The following GOLGA3 variants were observed in gnomAD, a reference collection of about 807,000 sequenced individuals.
GOLGA3 encodes golgin subfamily A member 3.
In GOLGA3, 75 loss-of-function variants were observed where a neutral mutation model predicts 169.4. The observed-to-expected ratio is 0.44, with a 90% CI of 0.37 to 0.54. GOLGA3 has a LOEUF of 0.54. Among genes scored for constraint, GOLGA3 ranks in the 20% least tolerant of loss-of-function variants. The probability of loss-of-function intolerance (pLI) is 0.00; values close to 1 mark genes in which losing one functional copy is unlikely to be tolerated. For synonymous variants in GOLGA3, 824 were observed against 822.4 expected, an observed-to-expected ratio of 1.00 and a Z score of -0.03; for missense variants, 1,899 against 1,930.0, an observed-to-expected ratio of 0.98 and a Z score of 0.30.
Position 132,796,034 on chromosome 12 carries a change from A to T in GOLGA3, c.2287T>A (p.Ser763Thr), listed in dbSNP as rs1948813149. Residue 763 changes from serine (S) to threonine (T), a missense_variant, in exon 11 of 24, where the codon TCC becomes ACC. By Grantham distance (58) the Ser-to-Thr change is moderately conservative (BLOSUM62 1). Coordinates refer to ENST00000450791, the MANE Select transcript of GOLGA3 (RefSeq NM_001389683.1). ...RLGELQGEAA[S>T]REDTICLLQN... ...AGGAGGCAGATCGTGTCCTCCCTGG[A>T]GGCGGCCTCGCCCTGCAGCTCCCCC... 1 of 1,612,492 alleles carries T rather than the reference A, an allele frequency of 6.2e-7. No homozygotes were observed. Among genetic ancestry groups the T allele is most frequent in the Admixed American group, 1.7e-5 (1 of 59,986 alleles).
intron 5 of GOLGA3, among the ~76,000 whole-genome samples, chr12:132,807,655 T>C (rs1159061270): frequency 1.3e-5 from 2 of 152,154 alleles, no homozygotes; most frequent in Non-Finnish European, 2.9e-5. Flanking sequence ...AGACTAAGGA[T>C]AGAATCAGGA....
In GOLGA3 at chr12:132,822,316, C is replaced by T; in HGVS notation, c.-183-5G>A. On this transcript the variant is annotated splice_region_variant and splice_polypyrimidine_tract_variant and intron_variant, in intron 1 of 23. Coordinates refer to ENST00000450791, the MANE Select transcript of GOLGA3 (RefSeq NM_001389683.1). ...AACCAGCTAATATCATGATACCTGA[C>T]AGGAGAGAGAGACAAAATGTATTAT... 3 of 1,316,804 alleles carry T rather than the reference C, an allele frequency of 2.3e-6. No homozygotes were observed. The highest frequency in any genetic ancestry group is 3.1e-5 in the African/African-American group (2 of 64,622). 81.6% of individuals were successfully genotyped at this position (1,316,804 alleles called of 1,614,324 possible).
At chr12:132,786,647 C>A (rs1262338562) in intron 14 of GOLGA3, 46 bp downstream of exon 14, 1 of 1,390,188 alleles carries the variant, frequency 7.2e-7, no homozygotes, top group South Asian at 1.2e-5. Flanking sequence ...GGCCCCCGCA[C>A]CTCCCACCTG....
intron 9 of GOLGA3, among the ~76,000 whole-genome samples, 168 bp from the exon 10 acceptor site, chr12:132,796,868 G>A (rs937725801): frequency 2.6e-5 from 4 of 152,190 alleles, no homozygotes; most frequent in African/African-American, 7.2e-5. Context: ...CAGCTTGGCC[G>A]CCCCCCAACC....
In GOLGA3 at chr12:132,827,515, C is replaced by T. The variant is rs532975253; in HGVS notation, c.-184+1288G>A. 4 of 152,308 alleles carry T rather than the reference C, an allele frequency of 2.6e-5. No individual in the cohort carries two copies. In the South Asian group the frequency reaches 6.2e-4, roughly 24 times the overall value. 9.4% of individuals were successfully genotyped at this position (152,308 alleles called of 1,614,324 possible). ...ATATAACAAGGCACAGAGTCTGTCC[C>T]GTGTCCTCAATAAAATGACAGTAAT... On this transcript the variant is annotated intron_variant, in intron 1 of 23. Coordinates refer to ENST00000450791, the MANE Select transcript of GOLGA3 (RefSeq NM_001389683.1).
At chr12:132,816,096 G>C (rs1026164259) in intron 3 of GOLGA3, among the ~76,000 whole-genome samples, 2 of 152,158 alleles carry the variant, frequency 1.3e-5, no homozygotes, top group African/African-American at 4.8e-5. Flanking sequence ...TACTCGGGAG[G>C]CCGAGGCAGG....
chr12:132,822,193 T>C lies in GOLGA3; in HGVS notation c.-65A>G. ...CAAGTGAACCTTGGACAAGCTTGGC[T>C]TCTGCCATCAGCAACAGCCAAGAGC... On this transcript the variant is annotated 5_prime_UTR_variant, in exon 2 of 24. Coordinates refer to ENST00000450791, the MANE Select transcript of GOLGA3 (RefSeq NM_001389683.1). 7 of 1,539,194 alleles carry C rather than the reference T, an allele frequency of 4.5e-6. No homozygotes were observed. The Middle Eastern group carries it at 6.9e-4, about 152-fold the overall frequency.
rs1270665349 is a variant in GOLGA3, at chr12:132,787,556, AGGACCCTTCCTGAGACCCCG to A, written c.2812-789_2812-770del. 3.0e-3 allele frequency among the ~76,000 whole-genome samples: 36 copies of A among 12,052 alleles called. 1 individual carries two copies. The highest frequency in any genetic ancestry group is 0.01 in the African/African-American group (33 of 3,200). The allele number at this position is 12,052 out of a possible 152,430, so 7.9% of individuals were successfully genotyped here. ...CCCAGACCCCTCCCCCAGAGCCCCCAGGACCCTTCCTGAGACCCCGGGACCCCTCCCCAGAACCCCTGGGA... is the reference window on the plus strand; with the variant it reads ...CCCAGACCCCTCCCCCAGAGCCCCCAGGACCCCTCCCCAGAACCCCTGGGA... On this transcript the variant is annotated intron_variant, in intron 13 of 23. Coordinates refer to ENST00000450791, the MANE Select transcript of GOLGA3 (RefSeq NM_001389683.1).
rs1481853600 is a variant in GOLGA3, at chr12:132,812,212, C to CACACACACACAT, written c.519+1094_519+1095insATGTGTGTGTGT. Among the ~76,000 whole-genome samples the CACACACACACAT allele has an allele frequency of 1.5e-3, 175 of 116,312 alleles. 1 individual carries two copies. The highest frequency in any genetic ancestry group is 0.014 in the South Asian group (50 of 3,482). 76.3% of individuals were successfully genotyped at this position (116,312 alleles called of 152,430 possible). A position where few individuals can be genotyped will look rare whatever the true frequency, so the allele number is the denominator to read the frequency against. On this transcript the variant is annotated intron_variant, in intron 4 of 23. Transcript: ENST00000450791. ...CAAAATACACACACACACACACACA[C>CACACACACACAT]ATATATATATATATATATTTTTTTT...
At chr12:132,776,861 G>A (rs2045275551) in intron 20 of GOLGA3, 97 bp downstream of exon 20, 3 of 1,548,144 alleles carry the variant, frequency 1.9e-6, no homozygotes, top group Non-Finnish European at 1.7e-6. Context: ...ACCATATTCA[G>A]AAAACCATCA....
chr12:132,791,312 C>T lies in GOLGA3; in HGVS notation c.2470-19G>A. The T allele has an allele frequency of 6.7e-7, 1 of 1,486,072 alleles. No individual in the cohort carries two copies. The highest frequency in any genetic ancestry group is 9.3e-7 in the Non-Finnish European group (1 of 1,069,700). The allele number at this position is 1,486,072 out of a possible 1,614,324, so 92.1% of individuals were successfully genotyped here. The stretch of plus-strand genomic sequence containing the variant: ...GTTCCACCTGTGGGAGACATGTGCA[C>T]AGACATTACACTGACGGCTCCAGGA... On this transcript the variant is annotated intron_variant, in intron 11 of 23. Coordinates refer to ENST00000450791, the MANE Select transcript of GOLGA3 (RefSeq NM_001389683.1).
chr12:132,786,236 G>A (rs1348124081), intron 15 of GOLGA3, 103 bp downstream of exon 15: 14 of 774,854 alleles, frequency 1.8e-5, no homozygotes, highest in Admixed American at 5.7e-5. Flanking sequence ...CCTCCCACGC[G>A]AGCTCGGCCC....
chr12:132,813,221 T>C (rs1243815206), intron 4 of GOLGA3, 86 bp downstream of exon 4: 3 of 852,922 alleles, frequency 3.5e-6, no homozygotes, highest in East Asian at 2.5e-5. Context: ...GAGAAGCCAA[T>C]GGCAGGTCCC....
At chr12:132,796,769 T>C in intron 9 of GOLGA3, 69 bp from the exon 10 acceptor site, 1 of 1,485,006 alleles carries the variant, frequency 6.7e-7, no homozygotes, top group Non-Finnish European at 9.2e-7. Context: ...GGTGGCCCCG[T>C]GCTCTGCAGA....
rs1012022786 is a variant in GOLGA3, at chr12:132,774,452, C to A, written c.4144-132G>T. ...CCTCTGGGAAGGGGACCGTCCTGGC[C>A]GCCGTGGCAGCCCAGCACGACAGTC... On this transcript the variant is annotated intron_variant, in intron 22 of 23. Transcript: ENST00000450791. 4.1e-6 allele frequency: 4 copies of A among 970,452 alleles called. No individual in the cohort carries two copies. The African/African-American group carries it at 6.4e-5, about 16-fold the overall frequency. 60.1% of individuals were successfully genotyped at this position (970,452 alleles called of 1,614,324 possible). A position where few individuals can be genotyped will look rare whatever the true frequency, so the allele number is the denominator to read the frequency against.
intron 2 of GOLGA3, among the ~76,000 whole-genome samples, chr12:132,820,245 A>G (rs1292210923): frequency 6.6e-6 from 1 of 152,012 alleles, no homozygotes; most frequent in East Asian, 1.9e-4. Flanking sequence ...AGACCAAGGC[A>G]GGAGGATCAC....
At chr12:132,799,747 T>C (rs1285217910) in intron 8 of GOLGA3, among the ~76,000 whole-genome samples, 2 of 152,120 alleles carry the variant, frequency 1.3e-5, no homozygotes, top group Non-Finnish European at 2.9e-5. Flanking sequence ...TGGTTTTTTT[T>C]TTTTGAGACA....
In GOLGA3 at chr12:132,795,526, C is replaced by T. The variant is rs1948787609; in HGVS notation, c.2469+326G>A. 3.4e-5 allele frequency among the ~76,000 whole-genome samples: 5 copies of T among 147,954 alleles called. No homozygotes were observed. The South Asian group carries it at 6.6e-4, about 20-fold the overall frequency. On this transcript the variant is annotated intron_variant, in intron 11 of 23. Transcript: ENST00000450791. Reference sequence around the variant, plus strand: ...CTGTAATCCCAGCACTGTGGGAGACCGAGGCGGGTGGATCACTTGAGGTTA... The same window carrying T: ...CTGTAATCCCAGCACTGTGGGAGACTGAGGCGGGTGGATCACTTGAGGTTA...
At chr12:132,779,225 A>ACG (rs2045416176) in intron 18 of GOLGA3, among the ~76,000 whole-genome samples, 1 of 152,058 alleles carries the variant, frequency 6.6e-6, no homozygotes, top group Non-Finnish European at 1.5e-5. Context: ...GACTACAGGC[A>ACG]TGTGCCACCA....
Sources: gnomAD v4.1 joint callset for allele counts (sites outside exome capture counted in the v4.1 genomes callset) on GRCh38, gnomAD v4.1.1 for gene constraint, MANE v1.5 for transcripts, NCBI Gene and HGNC (gene_info 2026-07-23, HGNC 2026-07-21) for gene names.